Variants in YIPF4 observed in about 807,000 individuals in gnomAD.
YIPF4 encodes the protein Yip1 domain family member 4.
A neutral mutation model predicts 29.4 loss-of-function variants in YIPF4; 18 were observed. The observed-to-expected ratio is 0.61, with a 90% CI of 0.42 to 0.91. YIPF4 has a LOEUF of 0.91. YIPF4 is among the 40% of genes least tolerant of loss of function. YIPF4 has a pLI of 0.00. For missense variants in YIPF4, 279 were observed against 282.7 expected (o/e 0.99, Z 0.09); for synonymous variants, 115 against 104.7 (o/e 1.10, Z -0.60).
In YIPF4 at chr2:32,316,025, GAAAAAAAAAAAAAAACC is replaced by G. The variant is rs2031824318; in HGVS notation, c.*10415_*10431del. The G allele has an allele frequency of 1.6e-5, 1 of 62,064 alleles. No homozygotes were observed. Among genetic ancestry groups the G allele is most frequent in the Non-Finnish European group, 3.4e-5 (1 of 29,368 alleles). The allele number at this position is 62,064 out of a possible 1,614,324, so 3.8% of individuals were successfully genotyped here. A position where few individuals can be genotyped will look rare whatever the true frequency, so the allele number is the denominator to read the frequency against. ...GCGAGACCCCGTTCTCCCCAAAAAG[GAAAAAAAAAAAAAAACC>G]AAAAAAAAAAAAAAAGTATAAAGCA... is the stretch of plus-strand genomic sequence containing the variant. On this transcript the variant is annotated 3_prime_UTR_variant, in exon 6 of 6. Transcript: ENST00000238831.
At chr2:32,293,536 C>T (rs2031013547) in intron 3 of YIPF4, among the ~76,000 whole-genome samples, 1 of 152,234 alleles carries the variant, frequency 6.6e-6, no homozygotes, top group Non-Finnish European at 1.5e-5. Flanking sequence ...ATCTTTTCCC[C>T]ACCTTTCCCC....
At chr2:32,298,183 T>G (rs1558480035) in intron 3 of YIPF4, 51 bp from the exon 4 acceptor site, 1 of 1,392,552 alleles carries the variant, frequency 7.2e-7, no homozygotes, top group Admixed American at 1.8e-5. Context: ...CCTGGAAAAT[T>G]ATCATCTTAT....
At chr2:32,296,661 T>C (rs895074617) in intron 3 of YIPF4, among the ~76,000 whole-genome samples, 3 of 152,230 alleles carry the variant, frequency 2.0e-5, no homozygotes, top group Admixed American at 6.5e-5. Flanking sequence ...ATACGTCTTA[T>C]AACTGGTGAT....
chr2:32,298,899 A>T (rs1424541648), intron 4 of YIPF4, among the ~76,000 whole-genome samples: 1 of 151,446 alleles, frequency 6.6e-6, no homozygotes, highest in Admixed American at 6.6e-5. Flanking sequence ...TTTTTTTGAG[A>T]TGGAGTCTCG....
chr2:32,305,164 C>A (rs1337795564), intron 5 of YIPF4, among the ~76,000 whole-genome samples: 1 of 151,934 alleles, frequency 6.6e-6, no homozygotes, highest in Non-Finnish European at 1.5e-5. Flanking sequence ...TAGATCCTTC[C>A]CTTAGAAATT....
At position 32,312,430 on chromosome 2, in the gene YIPF4, G is replaced by T. The variant is rs1001434151; in HGVS notation, c.*6804G>T. On this transcript the variant is annotated 3_prime_UTR_variant, in exon 6 of 6. Transcript: ENST00000238831. ...GTGTACCCGGGAGGCGGAGGTTGCA[G>T]TGAGCCGAGATCGCGCCACTGCACT... 3.0e-5 allele frequency: 4 copies of T among 132,556 alleles called. No homozygotes were observed. Among genetic ancestry groups the T allele is most frequent in the African/African-American group, 1.1e-4 (4 of 35,392 alleles). The allele number at this position is 132,556 out of a possible 1,614,324, so 8.2% of individuals were successfully genotyped here.
intron 3 of YIPF4, among the ~76,000 whole-genome samples, chr2:32,295,545 A>G (rs949189632): frequency 2.6e-5 from 4 of 152,044 alleles, no homozygotes. Flanking sequence ...CTGCGTCACT[A>G]TGATCTCTGT....
Position 32,305,959 on chromosome 2 carries a change from G to A in YIPF4, c.*333G>A. On this transcript the variant is annotated 3_prime_UTR_variant, in exon 6 of 6. Coordinates refer to ENST00000238831, the MANE Select transcript of YIPF4 (RefSeq NM_032312.4). ...GATTGGTAATTATATTTCACTTAAA[G>A]GGTAAATTTGACAATATCTTGATAA... 1 of 993,030 alleles carries A rather than the reference G, an allele frequency of 1.0e-6. No individual in the cohort carries two copies. Among genetic ancestry groups the A allele is most frequent in the Non-Finnish European group, 1.2e-6 (1 of 835,080 alleles). The allele number at this position is 993,030 out of a possible 1,614,324, so 61.5% of individuals were successfully genotyped here.
Position 32,308,603 on chromosome 2 carries a change from C to T in YIPF4, c.*2977C>T. 6.5e-6 allele frequency: 1 copy of T among 154,148 alleles called. No homozygotes were observed. The highest frequency in any genetic ancestry group is 1.4e-5 in the Non-Finnish European group (1 of 69,536). 9.5% of individuals were successfully genotyped at this position (154,148 alleles called of 1,614,324 possible). ...TGGTGCATACCTGTAATCTCAGCTA[C>T]TGGGGAAGCTGAGACAGGAGAATTG... On this transcript the variant is annotated 3_prime_UTR_variant, in exon 6 of 6. Transcript: ENST00000238831.
chr2:32,306,097 T>C lies in YIPF4; in HGVS notation c.*471T>C. 2.5e-6 allele frequency: 2 copies of C among 786,494 alleles called. No homozygotes were observed. Among genetic ancestry groups the C allele is most frequent in the South Asian group, 1.2e-4 (2 of 17,120 alleles). 48.7% of individuals were successfully genotyped at this position (786,494 alleles called of 1,614,324 possible). ...TGAAATAATTCTTACTCACAAAATATATTTCTGATAAACATTAAGATATTA... is the reference window on the plus strand; with the variant it reads ...TGAAATAATTCTTACTCACAAAATACATTTCTGATAAACATTAAGATATTA... On this transcript the variant is annotated 3_prime_UTR_variant, in exon 6 of 6. Transcript: ENST00000238831.
chr2:32,281,054 C>T lies in YIPF4; in HGVS notation c.79+2820C>T, dbSNP rs888548784. Among the ~76,000 whole-genome samples, 8 of 152,146 alleles carry T rather than the reference C, an allele frequency of 5.3e-5. No individual in the cohort carries two copies. In the South Asian group the frequency reaches 1.2e-3, roughly 24 times the overall value. On this transcript the variant is annotated intron_variant, in intron 1 of 5. Coordinates refer to ENST00000238831, the MANE Select transcript of YIPF4 (RefSeq NM_032312.4). ...ATGTAAGTAGATAACCCATTGATTCCACATACTAAGAAACCTGAAATAAGT... is the reference window on the plus strand; with the variant it reads ...ATGTAAGTAGATAACCCATTGATTCTACATACTAAGAAACCTGAAATAAGT...
intron 1 of YIPF4, among the ~76,000 whole-genome samples, chr2:32,281,077 A>C (rs1307116601): frequency 2.0e-5 from 3 of 152,220 alleles, no homozygotes; most frequent in Admixed American, 2.0e-4. Context: ...ACCTGAAATA[A>C]GTAAAAATCC....
intron 1 of YIPF4, among the ~76,000 whole-genome samples, chr2:32,289,172 C>T (rs891045792): frequency 8.6e-5 from 13 of 152,016 alleles, no homozygotes; most frequent in African/African-American, 2.9e-4. Flanking sequence ...TGAGTGAGCG[C>T]CTTTATAAAA....
At chr2:32,292,862 C>CAAA (rs1217481341) in intron 3 of YIPF4, among the ~76,000 whole-genome samples, 16 of 77,874 alleles carry the variant, frequency 2.1e-4, no homozygotes, top group South Asian at 4.6e-4. Flanking sequence ...GACTCCATCT[C>CAAA]AAAAAAAAAA....
intron 1 of YIPF4, among the ~76,000 whole-genome samples, chr2:32,282,535 C>T (rs7579330): frequency 0.11 from 17,007 of 152,048 alleles, 975 homozygotes; most frequent in Middle Eastern, 0.17. Flanking sequence ...CGGGTTCAAG[C>T]GATTCTTCTG....
At chr2:32,281,019 C>T (rs1469417825) in intron 1 of YIPF4, among the ~76,000 whole-genome samples, 7 of 151,858 alleles carry the variant, frequency 4.6e-5, no homozygotes, top group Admixed American at 1.3e-4. Flanking sequence ...CTAAGAAATC[C>T]GACAGAATAA....
chr2:32,305,629 C>T lies in YIPF4; in HGVS notation c.*3C>T, dbSNP rs773351468. The T allele has an allele frequency of 8.9e-6, 14 of 1,567,174 alleles. No homozygotes were observed. Among genetic ancestry groups the T allele is most frequent in the Non-Finnish European group, 1.2e-5 (14 of 1,160,158 alleles). ...TGTCGTTATATACTGGTGTGTGATCCAAGTTATACATGAATAGAAAAAGAT... is the reference window on the plus strand; with the variant it reads ...TGTCGTTATATACTGGTGTGTGATCTAAGTTATACATGAATAGAAAAAGAT... On this transcript the variant is annotated 3_prime_UTR_variant, in exon 6 of 6. Transcript: ENST00000238831.
At chr2:32,300,492 G>A (rs1363203898) in intron 4 of YIPF4, among the ~76,000 whole-genome samples, 2 of 150,708 alleles carry the variant, frequency 1.3e-5, no homozygotes. Flanking sequence ...AGTTTCAGAA[G>A]TGAATGATAT....
rs868507389 is a variant in YIPF4, at chr2:32,300,136, C to A, written c.484-1246C>A. ...GCAAAATTAGCTGGATGTGGTGGCA[C>A]ATGCCTGCAATCCCAGCTACTCGGG... On this transcript the variant is annotated intron_variant, in intron 4 of 5. Coordinates refer to ENST00000238831, the MANE Select transcript of YIPF4 (RefSeq NM_032312.4). 6.1e-4 allele frequency among the ~76,000 whole-genome samples: 92 copies of A among 152,056 alleles called. 1 individual carries two copies. Among genetic ancestry groups the A allele is most frequent in the African/African-American group, 2.2e-3 (89 of 41,394 alleles).
Sources: allele counts gnomAD v4.1 joint callset (sites outside exome capture counted in the v4.1 genomes callset), GRCh38; gene constraint gnomAD v4.1.1; transcripts MANE v1.5; gene names NCBI Gene and HGNC (gene_info 2026-07-23, HGNC 2026-07-21).